The following ADK variants were observed in gnomAD, a reference collection of about 807,000 sequenced individuals.
The protein encoded by ADK is adenosine kinase, also known as N6,N6-dimethyladenosine kinase.
ADK carries 24 observed loss-of-function variants against 44.7 expected under a neutral mutation model. The observed-to-expected ratio is 0.54, with a 90% CI of 0.39 to 0.76. ADK has a LOEUF of 0.76. Ranked by LOEUF, ADK falls within the 30% of genes least tolerant of loss-of-function variation. The pLI, the probability that ADK is intolerant of heterozygous loss-of-function variation, is 0.00. For missense variants in ADK, 321 were observed against 425.1 expected (o/e 0.76, Z 2.15); for synonymous variants, 128 against 142.6 (o/e 0.90, Z 0.73).
chr10:74,655,914 G>T, intron 9 of ADK: 2 of 681,264 alleles, frequency 2.9e-6, no homozygotes, highest in Non-Finnish European at 5.6e-6. Context: ...AGAGGGTCAG[G>T]TTGGCAAGCT....
intron 10 of ADK, among the ~76,000 whole-genome samples, chr10:74,678,275 A>G (rs986863209): frequency 6.6e-6 from 1 of 152,186 alleles, no homozygotes; most frequent in African/African-American, 2.4e-5. Context: ...CTAGTGTTAT[A>G]CATCCAGAGT....
chr10:74,593,818 A>G (rs1851803009), intron 8 of ADK, among the ~76,000 whole-genome samples: 1 of 152,202 alleles, frequency 6.6e-6, no homozygotes, highest in Non-Finnish European at 1.5e-5. Context: ...TTAAAAATAG[A>G]ATAAAGATTT....
Position 74,664,828 on chromosome 10 carries a change from C to T in ADK, c.878-5355C>T, listed in dbSNP as rs114282145. Among the ~76,000 whole-genome samples the T allele has an allele frequency of 4.8e-4, 73 of 151,920 alleles. No homozygotes were observed. The East Asian group carries it at 0.012, about 24-fold the overall frequency. ...CTGCACTCCAGCCTGGGCGACGCAG[C>T]GAAACTCCATCTCAAAGAAAAAAAA... On this transcript the variant is annotated intron_variant, in intron 9 of 10. Coordinates refer to ENST00000539909, the MANE Select transcript of ADK (RefSeq NM_006721.4).
intron 2 of ADK, among the ~76,000 whole-genome samples, chr10:74,203,951 C>CTTTTTTTTTTTTTT (rs760810639): frequency 4.2e-5 from 4 of 95,828 alleles, no homozygotes; most frequent in Admixed American, 1.2e-4. Context: ...TTATTTAGGT[C>CTTTTTTTTTTTTTT]TTTTTTTTTT....
intron 4 of ADK, among the ~76,000 whole-genome samples, chr10:74,333,361 G>C (rs1478323938): frequency 6.6e-6 from 1 of 152,120 alleles, no homozygotes; most frequent in Non-Finnish European, 1.5e-5. Flanking sequence ...GCAGGGATAC[G>C]AATGAGAAGT....
intron 6 of ADK, among the ~76,000 whole-genome samples, chr10:74,406,629 G>A (rs1431517194): frequency 6.6e-6 from 1 of 151,226 alleles, no homozygotes; most frequent in African/African-American, 2.4e-5. Flanking sequence ...TTTTCTATCT[G>A]TTCTTCATTT....
rs747396977 is a variant in ADK at position 74,176,896 on chromosome 10, G to A, written c.66-23868G>A. On this transcript the variant is annotated intron_variant, in intron 1 of 10. Coordinates refer to ENST00000539909, the MANE Select transcript of ADK (RefSeq NM_006721.4). ...CCATGACGTCAGTCAGGTAACGAGC[G>A]GGCGGCTGCCTTGACTGCTCCGAGC... The A allele has an allele frequency of 1.1e-5, 17 of 1,610,060 alleles. No individual in the cohort carries two copies. The South Asian group carries it at 1.6e-4, about 16-fold the overall frequency.
At chr10:74,436,809 A>G (rs1845193267) in intron 6 of ADK, among the ~76,000 whole-genome samples, 2 of 152,238 alleles carry the variant, frequency 1.3e-5, no homozygotes, top group Non-Finnish European at 2.9e-5. Flanking sequence ...TATGAAAAAC[A>G]TAGGAGACAA....
At chr10:74,656,476 G>A (rs753585254) in intron 9 of ADK, among the ~76,000 whole-genome samples, 2 of 152,240 alleles carry the variant, frequency 1.3e-5, no homozygotes, top group Non-Finnish European at 2.9e-5. Flanking sequence ...TTTGGTGGCT[G>A]TTGGGCCGTC....
At chr10:74,348,703 T>C (rs1473120065) in intron 4 of ADK, among the ~76,000 whole-genome samples, 1 of 151,566 alleles carries the variant, frequency 6.6e-6, no homozygotes, top group Non-Finnish European at 1.5e-5. Context: ...ATAACCAGTT[T>C]AGAGAGGAAC....
At chr10:74,628,420 C>T (rs1853294608) in intron 9 of ADK, among the ~76,000 whole-genome samples, 1 of 151,834 alleles carries the variant, frequency 6.6e-6, no homozygotes, top group South Asian at 2.1e-4. Context: ...AGGAATGAGG[C>T]ATAGTGCTTT....
intron 6 of ADK, among the ~76,000 whole-genome samples, chr10:74,510,700 A>G (rs1168804700): frequency 2.6e-5 from 4 of 151,954 alleles, no homozygotes; most frequent in African/African-American, 9.7e-5. Flanking sequence ...TTTAGGTCAT[A>G]TATTTAGTTC....
At chr10:74,663,251 ATAT>A (rs1418412349) in intron 9 of ADK, among the ~76,000 whole-genome samples, 49 of 112,080 alleles carry the variant, frequency 4.4e-4, no homozygotes, top group Non-Finnish European at 3.7e-4. Context: ...AAAAAATAAT[ATAT>A]ATATATATAT....
chr10:74,690,926 G>T (rs1267297474), intron 10 of ADK, among the ~76,000 whole-genome samples: 2 of 152,132 alleles, frequency 1.3e-5, no homozygotes, highest in African/African-American at 4.8e-5. Flanking sequence ...ACTTTCTTTT[G>T]TTTCTTATAA....
At chr10:74,585,362 T>G (rs1017595325) in intron 7 of ADK, among the ~76,000 whole-genome samples, 2 of 152,192 alleles carry the variant, frequency 1.3e-5, no homozygotes. Context: ...GTATCATTCA[T>G]TGTAAACCAA....
intron 4 of ADK, among the ~76,000 whole-genome samples, chr10:74,333,870 A>G (rs1444734327): frequency 2.6e-5 from 4 of 152,208 alleles, no homozygotes; most frequent in Non-Finnish European, 1.5e-5. Flanking sequence ...AAGGGACACC[A>G]GGGATGGTAC....
At chr10:74,574,003 G>A (rs1167250274) in intron 7 of ADK, among the ~76,000 whole-genome samples, 14 of 152,126 alleles carry the variant, frequency 9.2e-5, no homozygotes, top group African/African-American at 2.4e-4. Context: ...CGCACAGTGC[G>A]CTGCACCCAC....
intron 3 of ADK, among the ~76,000 whole-genome samples, chr10:74,259,848 A>T (rs1278558920): frequency 6.6e-5 from 10 of 152,028 alleles, no homozygotes. Flanking sequence ...TATTGGAAAC[A>T]CTTCTTGTCC....
At chr10:74,246,293 G>A (rs1253784972) in intron 3 of ADK, among the ~76,000 whole-genome samples, 1 of 152,202 alleles carries the variant, frequency 6.6e-6, no homozygotes, top group East Asian at 1.9e-4. Context: ...CAAGTTATAT[G>A]AAACTCTAGC....
Sources: gnomAD v4.1 joint callset for allele counts (sites outside exome capture counted in the v4.1 genomes callset) on GRCh38, gnomAD v4.1.1 for gene constraint, MANE v1.5 for transcripts, NCBI Gene and HGNC (gene_info 2026-07-23, HGNC 2026-07-21) for gene names.